Variants in FSTL5 observed in about 807,000 individuals in gnomAD.
FSTL5 encodes follistatin-related protein 5.
FSTL5 carries 62 observed loss-of-function variants against 89.1 expected under a neutral mutation model. That is an observed-to-expected ratio of 0.70 (90% CI 0.57 to 0.86). FSTL5 has a LOEUF of 0.86. Among genes scored for constraint, FSTL5 ranks in the 40% least tolerant of loss-of-function variants. The pLI, the probability that FSTL5 is intolerant of heterozygous loss-of-function variation, is 0.00. For missense variants in FSTL5, 1,057 were observed against 1,001.6 expected (o/e 1.06, Z -0.75); for synonymous variants, 383 against 346.2 (o/e 1.11, Z -1.18).
chr4:161,587,926 C>T (rs1305083121), intron 7 of FSTL5, among the ~76,000 whole-genome samples: 2 of 152,142 alleles, frequency 1.3e-5, no homozygotes, highest in Non-Finnish European at 2.9e-5. Flanking sequence ...GTAATCCCAG[C>T]ACTTTGAGAG....
intron 4 of FSTL5, among the ~76,000 whole-genome samples, chr4:161,908,086 T>C (rs990985593): frequency 6.6e-6 from 1 of 152,020 alleles, no homozygotes; most frequent in Non-Finnish European, 1.5e-5. Context: ...TGTCCCTGAA[T>C]ATCAGGGACC....
At chr4:161,497,189 T>A (rs1160075677) in intron 12 of FSTL5, among the ~76,000 whole-genome samples, 6 of 152,132 alleles carry the variant, frequency 3.9e-5, no homozygotes, top group Non-Finnish European at 8.8e-5. Flanking sequence ...TACATGACAG[T>A]ATTTGTGTAT....
At chr4:161,537,023 A>G (rs1444574314) in intron 10 of FSTL5, among the ~76,000 whole-genome samples, 1 of 152,106 alleles carries the variant, frequency 6.6e-6, no homozygotes, top group Non-Finnish European at 1.5e-5. Flanking sequence ...TCTTTTTTCA[A>G]CCTAAAGACT....
intron 10 of FSTL5, among the ~76,000 whole-genome samples, chr4:161,511,418 T>A (rs554404695): frequency 1.3e-5 from 2 of 152,252 alleles, no homozygotes; most frequent in African/African-American, 4.8e-5. Flanking sequence ...GATTTTTAAT[T>A]CCTTAATGAC....
intron 3 of FSTL5, among the ~76,000 whole-genome samples, chr4:161,996,002 A>C (rs1736284264): frequency 6.6e-6 from 1 of 152,188 alleles, no homozygotes; most frequent in African/African-American, 2.4e-5. Context: ...GCAAGATAAA[A>C]GAACACTGGA....
chr4:161,881,954 T>C (rs1207293633), intron 4 of FSTL5, among the ~76,000 whole-genome samples: 1 of 152,130 alleles, frequency 6.6e-6, no homozygotes, highest in Non-Finnish European at 1.5e-5. Context: ...TCAGCAGTTA[T>C]CCAGTGGATT....
intron 12 of FSTL5, among the ~76,000 whole-genome samples, chr4:161,498,810 TTTG>T (rs1730185775): frequency 6.6e-6 from 1 of 152,226 alleles, no homozygotes; most frequent in Non-Finnish European, 1.5e-5. Flanking sequence ...TCAGCAATAA[TTTG>T]TTTTTATTCA....
At chr4:161,871,541 C>T (rs1022265477) in intron 4 of FSTL5, among the ~76,000 whole-genome samples, 3 of 152,006 alleles carry the variant, frequency 2.0e-5, no homozygotes, top group African/African-American at 7.2e-5. Context: ...TAACATAAAC[C>T]TACATATATT....
intron 5 of FSTL5, among the ~76,000 whole-genome samples, chr4:161,766,055 A>G (rs1740987072): frequency 6.6e-6 from 1 of 152,144 alleles, no homozygotes; most frequent in Admixed American, 6.5e-5. Context: ...CGCCTCCCAA[A>G]GTTGATGAGA....
At chr4:162,102,200 G>C (rs1321526808) in intron 2 of FSTL5, among the ~76,000 whole-genome samples, 1 of 146,942 alleles carries the variant, frequency 6.8e-6, no homozygotes, top group South Asian at 2.1e-4. Flanking sequence ...AAGTCCAACA[G>C]AAAAAAAAAA....
At chr4:162,080,949 G>T (rs1730068302) in intron 2 of FSTL5, among the ~76,000 whole-genome samples, 1 of 151,442 alleles carries the variant, frequency 6.6e-6, no homozygotes, top group African/African-American at 2.4e-5. Context: ...AGCTGCGTTG[G>T]TTTAAAAAGT....
At chr4:162,066,506 C>G (rs1015814604) in intron 2 of FSTL5, among the ~76,000 whole-genome samples, 5 of 149,500 alleles carry the variant, frequency 3.3e-5, no homozygotes, top group African/African-American at 5.0e-5. Context: ...TGGTGGTTTG[C>G]TGCACTTATC....
intron 1 of FSTL5, among the ~76,000 whole-genome samples, chr4:162,122,814 G>A (rs1473841122): frequency 1.3e-5 from 2 of 152,102 alleles, no homozygotes; most frequent in East Asian, 1.9e-4. Context: ...TTGTACGTAA[G>A]CTACACCTAA....
intron 7 of FSTL5, among the ~76,000 whole-genome samples, chr4:161,621,303 CACAA>C (rs766478251): frequency 0.015 from 1,987 of 134,606 alleles, 57 homozygotes; most frequent in South Asian, 0.14. Flanking sequence ...CACACACACA[CACAA>C]ACACAAAATT....
At chr4:161,992,306 G>A (rs906655674) in intron 3 of FSTL5, among the ~76,000 whole-genome samples, 1 of 152,114 alleles carries the variant, frequency 6.6e-6, no homozygotes, top group Non-Finnish European at 1.5e-5. Context: ...CTAGGCAGAG[G>A]TAAAAGTAGC....
chr4:162,036,263 A>G (rs1015117323), intron 2 of FSTL5, among the ~76,000 whole-genome samples: 3 of 152,038 alleles, frequency 2.0e-5, no homozygotes, highest in African/African-American at 7.2e-5. Context: ...GTAATGTTTC[A>G]AACTGAATTT....
At chr4:161,438,107 T>C (rs1391164121) in intron 15 of FSTL5, among the ~76,000 whole-genome samples, 1 of 147,094 alleles carries the variant, frequency 6.8e-6, no homozygotes, top group Non-Finnish European at 1.5e-5. Flanking sequence ...CAAGCATATG[T>C]GCAAAAAGAA....
intron 8 of FSTL5, among the ~76,000 whole-genome samples, chr4:161,557,860 T>C (rs72687534): frequency 0.075 from 11,387 of 151,844 alleles, 542 homozygotes; most frequent in Middle Eastern, 0.17. Flanking sequence ...TATTTGAGAA[T>C]CTAACACGTG....
intron 3 of FSTL5, among the ~76,000 whole-genome samples, chr4:161,972,030 C>T (rs936840503): frequency 6.6e-6 from 1 of 152,130 alleles, no homozygotes; most frequent in Non-Finnish European, 1.5e-5. Flanking sequence ...TATGCACTCA[C>T]TTGTATAATT....
Sources: gnomAD v4.1 joint callset for allele counts (sites outside exome capture counted in the v4.1 genomes callset) on GRCh38, gnomAD v4.1.1 for gene constraint, MANE v1.5 for transcripts, NCBI Gene and HGNC (gene_info 2026-07-23, HGNC 2026-07-21) for gene names.